The following GGA3 variants were observed in gnomAD, a reference collection of about 807,000 sequenced individuals.
The protein encoded by GGA3 is ADP-ribosylation factor-binding protein GGA3.
GGA3 carries 57 observed loss-of-function variants against 77.5 expected under a neutral mutation model. That is an observed-to-expected ratio of 0.74 (90% CI 0.59 to 0.92). The LOEUF (loss-of-function observed/expected upper bound fraction) is 0.92, where lower values mean the gene tolerates loss of function less well. Among genes scored for constraint, GGA3 ranks in the 40% least tolerant of loss-of-function variants. The pLI is 0.00. For synonymous variants in GGA3, 416 were observed against 383.7 expected, an observed-to-expected ratio of 1.08 and a Z score of -0.98; for missense variants, 970 against 914.9, an observed-to-expected ratio of 1.06 and a Z score of -0.78.
chr17:75,250,196 C>G (rs967008681), intron 1 of GGA3, among the ~76,000 whole-genome samples: 10 of 152,228 alleles, frequency 6.6e-5, no homozygotes, highest in African/African-American at 2.4e-4. Context: ...ATTTCCTTCA[C>G]CTGGCATAGA....
At chr17:75,243,311 C>A in intron 5 of GGA3, 136 bp downstream of exon 5, 1 of 1,241,702 alleles carries the variant, frequency 8.1e-7, no homozygotes. Flanking sequence ...TCCCATCCAA[C>A]TCCGACTCAG....
At position 75,240,411 on chromosome 17, in the gene GGA3, GC is replaced by G; in HGVS notation, c.1193del (p.Gly398AlafsTer126). 6.3e-7 allele frequency: 1 copy of G among 1,589,400 alleles called. No individual in the cohort carries two copies. Among genetic ancestry groups the G allele is most frequent in the Non-Finnish European group, 8.6e-7 (1 of 1,166,600 alleles). On this transcript the variant is annotated frameshift_variant and splice_region_variant, in exon 12 of 17. Transcript: ENST00000537686. LOFTEE classifies it high-confidence loss of function. ...GAACATTAGGGGCTGGGTCGGCGAG[GC>G]CTGACAATAGAGAAGAAAACAGGAT... ...SWLDEELLCLGLADPAPNVPP... is the reference protein window; with the variant it reads ...SWLDEELLCLXLADPAPNVPP...
chr17:75,240,125 G>A lies in GGA3; in HGVS notation c.1264-17C>T. The A allele has an allele frequency of 6.6e-7, 1 of 1,523,620 alleles. No individual in the cohort carries two copies. Among genetic ancestry groups the A allele is most frequent in the Non-Finnish European group, 8.9e-7 (1 of 1,129,938 alleles). 94.4% of individuals were successfully genotyped at this position (1,523,620 alleles called of 1,614,324 possible). ...CTGTTCCCTCTATGAACAACAGAAA[G>A]GGTGGTGAGCCGAGGGCGGGTGGGG... On this transcript the variant is annotated splice_polypyrimidine_tract_variant and intron_variant, in intron 12 of 16. Coordinates refer to ENST00000537686, the MANE Select transcript of GGA3 (RefSeq NM_138619.4).
rs1398358099 is a variant in GGA3 at position 75,240,066 on chromosome 17, TC to T, written c.1305del (p.Thr436ProfsTer88). The stretch of plus-strand genomic sequence containing the variant: ...GCATCGGAGGCGCCACAGGCAGCGG[TC>T]CCCGGCCTGGGGCTGAAGAAGTCCA... ...SDLDFFSPRPGTAACGASDAP... is the reference protein window; with the variant it reads ...SDLDFFSPRPXTAACGASDAP... On this transcript the variant is annotated frameshift_variant, in exon 13 of 17. Coordinates refer to ENST00000537686, the MANE Select transcript of GGA3 (RefSeq NM_138619.4). LOFTEE classifies it high-confidence loss of function. The T allele has an allele frequency of 7.3e-7, 1 of 1,377,612 alleles. No homozygotes were observed. Among genetic ancestry groups the T allele is most frequent in the Non-Finnish European group, 9.6e-7 (1 of 1,041,498 alleles). The allele number at this position is 1,377,612 out of a possible 1,614,324, so 85.3% of individuals were successfully genotyped here.
At chr17:75,261,671 A>G, upstream of GGA3, 1 of 1,341,442 alleles carries the variant, frequency 7.5e-7, no homozygotes, top group Non-Finnish European at 1.0e-6. Context: ...TGGGGTCCTG[A>G]GAGGAGTGAG....
chr17:75,258,836 T>TTC (rs1420725951), intron 1 of GGA3, among the ~76,000 whole-genome samples: 2 of 151,300 alleles, frequency 1.3e-5, no homozygotes, highest in African/African-American at 2.4e-5. Flanking sequence ...TTTTTTTTTT[T>TTC]CCAACTTTTC....
At chr17:75,240,139 G>T in intron 12 of GGA3, 31 bp from the exon 13 acceptor site, 4 of 1,408,260 alleles carry the variant, frequency 2.8e-6, no homozygotes, top group South Asian at 2.5e-5. Flanking sequence ...GGTGAGCCGA[G>T]GGCGGGTGGG....
intron 16 of GGA3, 38 bp downstream of exon 16, chr17:75,238,614 G>T (rs1410025027): frequency 2.1e-6 from 3 of 1,422,220 alleles, no homozygotes; most frequent in Non-Finnish European, 3.0e-6. Context: ...GGGCAGCTGG[G>T]GCCTCAGGCT....
chr17:75,243,343 G>A, intron 5 of GGA3, 104 bp downstream of exon 5: 1 of 1,443,026 alleles, frequency 6.9e-7, no homozygotes, highest in South Asian at 1.2e-5. Context: ...GACAAATGCT[G>A]TTCTCTTCAG....
chr17:75,254,169 T>C (rs1303295823), intron 1 of GGA3, among the ~76,000 whole-genome samples: 3 of 152,110 alleles, frequency 2.0e-5, no homozygotes, highest in African/African-American at 7.2e-5. Flanking sequence ...ACCCCAAGTG[T>C]CGCTGGGTCT....
chr17:75,256,586 C>A (rs1268574561), intron 1 of GGA3, among the ~76,000 whole-genome samples: 1 of 152,148 alleles, frequency 6.6e-6, no homozygotes, highest in Non-Finnish European at 1.5e-5. Context: ...CGCCACACAG[C>A]AGCAAAGGCA....
chr17:75,237,838 C>A lies in GGA3; in HGVS notation c.*441G>T. ...GCATGGAATTGCAACAGGGCTGCAGCCCCTTGGGCCGTGCATCTGTCAGGT... is the reference window on the plus strand; with the variant it reads ...GCATGGAATTGCAACAGGGCTGCAGACCCTTGGGCCGTGCATCTGTCAGGT... On this transcript the variant is annotated 3_prime_UTR_variant, in exon 17 of 17. Transcript: ENST00000537686. The A allele has an allele frequency of 1.4e-6, 2 of 1,418,444 alleles. No homozygotes were observed. Among genetic ancestry groups the A allele is most frequent in the East Asian group, 5.1e-5 (2 of 39,214 alleles). 87.9% of individuals were successfully genotyped at this position (1,418,444 alleles called of 1,614,324 possible).
intron 8 of GGA3, chr17:75,242,068 C>G: frequency 1.8e-6 from 1 of 565,262 alleles, no homozygotes; most frequent in African/African-American, 1.9e-5. Context: ...AGGGAGAGAG[C>G]AGGGGTGAGC....
chr17:75,238,972 A>G lies in GGA3; in HGVS notation c.1892T>C (p.Met631Thr), dbSNP rs1376881048. 1 of 1,614,018 alleles carries G rather than the reference A, an allele frequency of 6.2e-7. No homozygotes were observed. Among genetic ancestry groups the G allele is most frequent in the East Asian group, 2.2e-5 (1 of 44,890 alleles). ...GACAGGTAAGGGAGCCGTGTTCAGC[A>G]TGGACACCACCACCACCAGCACGTC... The part of the protein sequence containing the change: ...RPDVLVVVVS[M>T]LNTAPLPVKS... The change falls in exon 15 of 17, where the codon ATG becomes ACG. Residue 631 changes from methionine (M) to threonine (T), a missense_variant. Coordinates refer to ENST00000537686, the MANE Select transcript of GGA3 (RefSeq NM_138619.4).
intron 4 of GGA3, 109 bp from the exon 5 acceptor site, chr17:75,243,679 T>A: frequency 9.2e-7 from 1 of 1,089,492 alleles, no homozygotes; most frequent in Non-Finnish European, 1.3e-6. Flanking sequence ...ATGGTCCTAC[T>A]CAAAATCTGC....
At chr17:75,248,092 G>A (rs567336890) in intron 1 of GGA3, among the ~76,000 whole-genome samples, 1 of 152,280 alleles carries the variant, frequency 6.6e-6, no homozygotes, top group African/African-American at 2.4e-5. Flanking sequence ...AAAGCAGGGT[G>A]TCAGAGCCCC....
chr17:75,246,776 T>C lies in GGA3; in HGVS notation c.61A>G (p.Asn21Asp), dbSNP rs1203390971. The change falls in exon 2 of 17, where the codon AAC (asparagine) becomes GAC (aspartate). Residue 21 changes from asparagine to aspartate, a missense_variant. Asn to Asp is a conservative substitution (Grantham distance 23, BLOSUM62 1). Coordinates refer to ENST00000537686, the MANE Select transcript of GGA3 (RefSeq NM_138619.4). ...ATGTATTCCCAGTCCTCCTGGCGGT[T>C]GGAAGGATTGGTGGCTTTATCTTGC... The part of the protein sequence containing the change: ...SWLNKATNPS[N>D]RQEDWEYIIG... 6.2e-6 allele frequency: 10 copies of C among 1,612,940 alleles called. No homozygotes were observed. The South Asian group carries it at 1.1e-4, about 18-fold the overall frequency.
At position 75,238,005 on chromosome 17, in the gene GGA3, C is replaced by G. The variant is rs2076381152; in HGVS notation, c.*274G>C. On this transcript the variant is annotated 3_prime_UTR_variant, in exon 17 of 17. Coordinates refer to ENST00000537686, the MANE Select transcript of GGA3 (RefSeq NM_138619.4). ...ACGCCAAGCCTGGGGGTCCATGTTC[C>G]CGGGACAGCAGTGAAGTCAGGGGCC... The G allele has an allele frequency of 8.0e-7, 1 of 1,246,498 alleles. No individual in the cohort carries two copies. The highest frequency in any genetic ancestry group is 3.6e-5 in the East Asian group (1 of 27,920). The allele number at this position is 1,246,498 out of a possible 1,614,324, so 77.2% of individuals were successfully genotyped here. A position where few individuals can be genotyped will look rare whatever the true frequency, so the allele number is the denominator to read the frequency against.
intron 1 of GGA3, chr17:75,249,117 C>T: frequency 2.5e-6 from 1 of 394,002 alleles, no homozygotes; most frequent in Non-Finnish European, 3.4e-6. Context: ...GCGATCTAGG[C>T]TCACTGCAAC....
Sources: allele counts gnomAD v4.1 joint callset (sites outside exome capture counted in the v4.1 genomes callset), GRCh38; gene constraint gnomAD v4.1.1; transcripts MANE v1.5; gene names NCBI Gene and HGNC (gene_info 2026-07-23, HGNC 2026-07-21).